The following NCOA6 variants were observed in gnomAD, a reference collection of about 807,000 sequenced individuals.
NCOA6 encodes the protein nuclear receptor coactivator 6, also known as NRC RAP250.
In NCOA6, 49 loss-of-function variants were observed where a neutral mutation model predicts 171.4. The observed-to-expected ratio is 0.29, with a 90% CI of 0.23 to 0.36. The LOEUF is 0.36. Among genes scored for constraint, NCOA6 ranks in the 10% least tolerant of loss-of-function variants. The pLI is 1.00. For missense variants in NCOA6, 2,248 were observed against 2,554.5 expected (o/e 0.88, Z 2.59); for synonymous variants, 910 against 927.5 (o/e 0.98, Z 0.34).
intron 3 of NCOA6, among the ~76,000 whole-genome samples, chr20:34,780,192 A>C (rs1335030445): frequency 6.6e-6 from 1 of 152,228 alleles, no homozygotes; most frequent in African/African-American, 2.4e-5. Flanking sequence ...AAATTTGCTT[A>C]TGGTATTAAC....
chr20:34,722,054 C>CAAAAAAAAA (rs71196757), intron 14 of NCOA6, among the ~76,000 whole-genome samples: 1 of 63,412 alleles, frequency 1.6e-5, no homozygotes. Flanking sequence ...GACCCTGTCT[C>CAAAAAAAAA]AAAAAAAAAA....
At chr20:34,752,353 A>G (rs1025868049) in intron 8 of NCOA6, among the ~76,000 whole-genome samples, 1 of 152,226 alleles carries the variant, frequency 6.6e-6, no homozygotes, top group Non-Finnish European at 1.5e-5. Context: ...ATATGCTTGT[A>G]TACAATAAAT....
Position 34,757,357 on chromosome 20 carries a change from G to C in NCOA6, c.1391C>G (p.Pro464Arg). The C allele has an allele frequency of 6.2e-7, 1 of 1,614,168 alleles. No homozygotes were observed. The highest frequency in any genetic ancestry group is 8.5e-7 in the Non-Finnish European group (1 of 1,180,006). ...GPRPPQNNPL[P>R]QGFQQPVSSP... ...GCTGACAGGCTGCTGAAATCCCTGG[G>C]GAAGTGGGTTATTTTGAGGTGGCCT... Residue 464 changes from proline to arginine, a missense_variant, in exon 7 of 15, where the codon CCC becomes CGC. Pro to Arg is a moderately radical substitution (Grantham distance 103). Transcript: ENST00000359003.
intron 1 of NCOA6, among the ~76,000 whole-genome samples, chr20:34,808,953 C>T (rs1223955286): frequency 6.6e-6 from 1 of 152,144 alleles, no homozygotes; most frequent in Admixed American, 6.6e-5. Context: ...TTCAAGATGA[C>T]AGAGAGAGAG....
At chr20:34,815,292 G>A (rs1049987372) in intron 1 of NCOA6, among the ~76,000 whole-genome samples, 2 of 151,650 alleles carry the variant, frequency 1.3e-5, no homozygotes, top group Non-Finnish European at 2.9e-5. Flanking sequence ...TAAGAGGATC[G>A]CTTGAGCCTG....
intron 9 of NCOA6, among the ~76,000 whole-genome samples, chr20:34,748,129 CA>C (rs2145675101): frequency 6.6e-6 from 1 of 151,766 alleles, no homozygotes; most frequent in Admixed American, 6.6e-5. Flanking sequence ...GTGAAGATGG[CA>C]AAAAATACAC....
chr20:34,823,847 T>C (rs1321332081), intron 1 of NCOA6, among the ~76,000 whole-genome samples: 1 of 152,128 alleles, frequency 6.6e-6, no homozygotes, highest in Non-Finnish European at 1.5e-5. Context: ...GGACTACAAG[T>C]ACAAGCCACA....
intron 4 of NCOA6, among the ~76,000 whole-genome samples, chr20:34,771,746 T>C (rs1156380041): frequency 6.6e-6 from 1 of 152,222 alleles, no homozygotes; most frequent in East Asian, 1.9e-4. Context: ...TTCCTCTGCC[T>C]AGAACAGTTC....
intron 10 of NCOA6, among the ~76,000 whole-genome samples, chr20:34,744,745 T>C (rs1242871834): frequency 2.0e-5 from 3 of 152,240 alleles, no homozygotes; most frequent in Non-Finnish European, 4.4e-5. Flanking sequence ...TTTCTATGGT[T>C]CAACTGTCCT....
chr20:34,789,751 C>T (rs1310272051), intron 2 of NCOA6, among the ~76,000 whole-genome samples: 1 of 152,060 alleles, frequency 6.6e-6, no homozygotes, highest in East Asian at 1.9e-4. Context: ...TGTGCTACTG[C>T]ACTATTGCTG....
intron 9 of NCOA6, 123 bp from the exon 10 acceptor site, chr20:34,747,051 ATC>A: frequency 1.0e-6 from 1 of 970,574 alleles, no homozygotes; most frequent in Non-Finnish European, 1.4e-6. Context: ...ACCATTATTC[ATC>A]TCTCTCTAGT....
At position 34,749,977 on chromosome 20, in the gene NCOA6, G is replaced by C. The variant is rs144200201; in HGVS notation, c.2218C>G (p.Pro740Ala). 222 of 1,614,190 alleles carry C rather than the reference G, an allele frequency of 1.4e-4. No individual in the cohort carries two copies. In the African/African-American group the frequency reaches 2.7e-3, roughly 20 times the overall value. Residue 740 changes from proline to alanine, a missense_variant, in exon 9 of 15, where the codon CCA (proline) becomes GCA (alanine). Physicochemically the swap from Pro to Ala is conservative, Grantham distance 27. This residue lies in a region of NCOA6 where 987 missense variants were observed against 1,104.7 expected (regional missense o/e 0.89). Coordinates refer to ENST00000359003, the MANE Select transcript of NCOA6 (RefSeq NM_014071.5). ...GTTGGTCCCCTCATTATCTGGGCTG[G>C]TCCCGGCATGACATTGGACTGGTTC... is the stretch of plus-strand genomic sequence containing the variant. ...TQNQSNVMPGPAQIMRGPTPN... is the reference protein window; with the variant it reads ...TQNQSNVMPGAAQIMRGPTPN...
At position 34,746,054 on chromosome 20, in the gene NCOA6, TG is replaced by T. The variant is rs1458055833; in HGVS notation, c.2914+752del. 2.0e-5 allele frequency among the ~76,000 whole-genome samples: 3 copies of T among 152,254 alleles called. No individual in the cohort carries two copies. In the East Asian group the frequency reaches 5.8e-4, roughly 29 times the overall value. ...TCTTTATATTTTAAAGACTCATTAA[TG>T]AAACTTCTATAAAAAAGATCATCTT... On this transcript the variant is annotated intron_variant, in intron 10 of 14. Transcript: ENST00000359003.
intron 2 of NCOA6, 24 bp downstream of exon 2, chr20:34,792,424 ACT>A: frequency 2.5e-6 from 1 of 397,930 alleles, no homozygotes; most frequent in East Asian, 3.6e-5. Context: ...GGCTTTATTA[ACT>A]CTCTCGCATA....
chr20:34,755,070 T>G (rs1009304479), intron 7 of NCOA6, among the ~76,000 whole-genome samples: 1 of 152,024 alleles, frequency 6.6e-6, no homozygotes, highest in Non-Finnish European at 1.5e-5. Context: ...ATTGTCAAAA[T>G]GAAAAATAAA....
intron 12 of NCOA6, among the ~76,000 whole-genome samples, chr20:34,733,716 C>T (rs1334102377): frequency 6.6e-6 from 1 of 151,668 alleles, no homozygotes; most frequent in Non-Finnish European, 1.5e-5. Flanking sequence ...GCCTTTAATG[C>T]AAGGTGCTAG....
chr20:34,731,740 AG>A (rs1403908264), intron 13 of NCOA6, among the ~76,000 whole-genome samples: 1 of 152,226 alleles, frequency 6.6e-6, no homozygotes, highest in Non-Finnish European at 1.5e-5. Flanking sequence ...CTACACTAAA[AG>A]AGACAAGACT....
chr20:34,776,619 C>T (rs1259084251), intron 3 of NCOA6, 171 bp from the exon 4 acceptor site: 6 of 777,072 alleles, frequency 7.7e-6, no homozygotes, highest in South Asian at 1.5e-5. Flanking sequence ...AGCTTTGCCA[C>T]TTAGCACCTG....
At chr20:34,806,350 C>A (rs6060058) in intron 1 of NCOA6, among the ~76,000 whole-genome samples, 167 of 152,328 alleles carry the variant, frequency 1.1e-3, no homozygotes, top group South Asian at 2.9e-3. Flanking sequence ...TATTTTCTCC[C>A]ATTCTGCAGG....
Sources: allele counts gnomAD v4.1 joint callset (sites outside exome capture counted in the v4.1 genomes callset), GRCh38; gene constraint gnomAD v4.1.1; regional missense constraint gnomAD v4.1.1; transcripts MANE v1.5; gene names NCBI Gene and HGNC (gene_info 2026-07-23, HGNC 2026-07-21).